The following SLC44A5 variants were observed in gnomAD, a reference collection of about 807,000 sequenced individuals.
SLC44A5 encodes the protein solute carrier family 44 member 5.
A neutral mutation model predicts 101.8 loss-of-function variants in SLC44A5; 57 were observed. The observed-to-expected ratio is 0.56, with a 90% CI of 0.45 to 0.70. The LOEUF (loss-of-function observed/expected upper bound fraction) is 0.70. SLC44A5 is among the 30% of genes least tolerant of loss of function. The pLI is 0.00. For synonymous variants in SLC44A5, 281 were observed against 290.9 expected (o/e 0.97, Z 0.35); for missense variants, 737 against 853.1 (o/e 0.86, Z 1.70).
At chr1:75,464,221 C>CAAAAAAAAA (rs57630961) in intron 2 of SLC44A5, among the ~76,000 whole-genome samples, 3 of 52,220 alleles carry the variant, frequency 5.7e-5, no homozygotes, top group Non-Finnish European at 1.1e-4. Context: ...GACTCTGTCT[C>CAAAAAAAAA]AAAAAAAAAA....
At chr1:75,682,736 A>G in the SLC44A5 span, among the ~76,000 whole-genome samples, 4 of 141,852 alleles carry the variant, frequency 2.8e-5, no homozygotes, top group South Asian at 2.1e-4. Context: ...AATGGCAACA[A>G]AAGCCAAAAT....
At chr1:75,209,131 A>G (rs2100438735) in intron 23 of SLC44A5, among the ~76,000 whole-genome samples, 1 of 152,302 alleles carries the variant, frequency 6.6e-6, no homozygotes, top group East Asian at 1.9e-4. Flanking sequence ...TCAACATGCA[A>G]TACACTGAAT....
chr1:75,642,094 T>C, the SLC44A5 span: 21 of 1,194,776 alleles, frequency 1.8e-5, no homozygotes, highest in Non-Finnish European at 1.6e-5. Flanking sequence ...TAATTTTTTA[T>C]TTTATTTGAT....
intron 6 of SLC44A5, among the ~76,000 whole-genome samples, chr1:75,273,623 A>T (rs972266892): frequency 6.6e-6 from 1 of 152,094 alleles, no homozygotes; most frequent in Non-Finnish European, 1.5e-5. Context: ...TTCTGCATCT[A>T]TTGAGATTGA....
intron 1 of SLC44A5, among the ~76,000 whole-genome samples, chr1:75,574,315 G>T (rs562276249): frequency 6.6e-6 from 1 of 152,266 alleles, no homozygotes; most frequent in Admixed American, 6.5e-5. Context: ...TTTAGTAAAT[G>T]ATCTAAACCA....
At chr1:75,258,027 TC>T (rs1488089227) in intron 6 of SLC44A5, among the ~76,000 whole-genome samples, 1 of 152,040 alleles carries the variant, frequency 6.6e-6, no homozygotes, top group Non-Finnish European at 1.5e-5. Flanking sequence ...TTTGAGCTTT[TC>T]CCACGGTCTT....
At chr1:75,253,640 T>A (rs1239596485) in intron 6 of SLC44A5, among the ~76,000 whole-genome samples, 1 of 152,220 alleles carries the variant, frequency 6.6e-6, no homozygotes, top group Non-Finnish European at 1.5e-5. Flanking sequence ...AGCAAATGAA[T>A]AAATTATACA....
chr1:75,550,767 A>T (rs1229326147), intron 1 of SLC44A5, among the ~76,000 whole-genome samples: 1 of 152,084 alleles, frequency 6.6e-6, no homozygotes, highest in Non-Finnish European at 1.5e-5. Flanking sequence ...AGGAAGGAAG[A>T]CATCCAGAAT....
At chr1:75,346,114 T>C (rs1198601135) in intron 3 of SLC44A5, among the ~76,000 whole-genome samples, 1 of 152,110 alleles carries the variant, frequency 6.6e-6, no homozygotes, top group Non-Finnish European at 1.5e-5. Context: ...TGACCCCACA[T>C]TGGACATGGC....
intron 5 of SLC44A5, among the ~76,000 whole-genome samples, chr1:75,290,350 G>A (rs191649943): frequency 2.2e-4 from 33 of 152,296 alleles, no homozygotes; most frequent in Middle Eastern, 3.4e-3. Context: ...GAATAATTGA[G>A]TAGAGTTTAA....
chr1:75,704,644 A>T, the SLC44A5 span, among the ~76,000 whole-genome samples: 1 of 152,192 alleles, frequency 6.6e-6, no homozygotes, highest in African/African-American at 2.4e-5. Flanking sequence ...ACTGGTTTGT[A>T]TAAAAAGTAT....
At chr1:75,315,366 CAAT>C (rs1655612962) in intron 4 of SLC44A5, among the ~76,000 whole-genome samples, 1 of 152,066 alleles carries the variant, frequency 6.6e-6, no homozygotes, top group South Asian at 2.1e-4. Context: ...TAAATTATCC[CAAT>C]AATATTTAAT....
Position 75,264,352 on chromosome 1 carries a change from C to T in SLC44A5, c.260+10606G>A, listed in dbSNP as rs533105455. Among the ~76,000 whole-genome samples, 33 of 152,302 alleles carry T rather than the reference C, an allele frequency of 2.2e-4. 2 individuals carry two copies. The highest frequency in any genetic ancestry group is 2.0e-3 in the Admixed American group (31 of 15,290). ...CATGTGCCCAGTGGCAGGGCTGCCA[C>T]ACGTTTACAGTTCCCTGAGAAAGAT... On this transcript the variant is annotated intron_variant, in intron 6 of 23. Transcript: ENST00000370859.
At chr1:75,335,888 C>T (rs549296803) in intron 4 of SLC44A5, among the ~76,000 whole-genome samples, 3 of 152,174 alleles carry the variant, frequency 2.0e-5, no homozygotes, top group South Asian at 2.1e-4. Flanking sequence ...TCAGAGTGCC[C>T]GTCCTTCCCT....
chr1:75,498,901 G>A (rs947825057), intron 2 of SLC44A5, among the ~76,000 whole-genome samples: 1 of 152,180 alleles, frequency 6.6e-6, no homozygotes, highest in Admixed American at 6.5e-5. Flanking sequence ...CTAGTGTTTT[G>A]TCTATAGTCA....
the SLC44A5 span, among the ~76,000 whole-genome samples, chr1:75,723,052 T>A: frequency 1.3e-5 from 2 of 152,126 alleles, no homozygotes; most frequent in Admixed American, 1.3e-4. Flanking sequence ...GCTTCCTCCT[T>A]CCTTTGTTCT....
intron 1 of SLC44A5, among the ~76,000 whole-genome samples, chr1:75,565,848 A>G (rs1570627848): frequency 6.6e-6 from 1 of 152,220 alleles, no homozygotes; most frequent in East Asian, 1.9e-4. Flanking sequence ...ATGCTTTTTT[A>G]CCTGGTATGG....
chr1:75,440,024 T>C (rs773136810), intron 2 of SLC44A5, among the ~76,000 whole-genome samples: 1 of 151,988 alleles, frequency 6.6e-6, no homozygotes, highest in Non-Finnish European at 1.5e-5. Flanking sequence ...GAAAATAACA[T>C]TAAGAAGTAC....
chr1:75,281,168 C>T (rs1430381504), intron 5 of SLC44A5, among the ~76,000 whole-genome samples: 22 of 152,048 alleles, frequency 1.4e-4, no homozygotes, highest in Admixed American at 1.4e-3. Flanking sequence ...ATAGCTTTGA[C>T]CAAAATGCTG....
Sources: allele counts gnomAD v4.1 joint callset (sites outside exome capture counted in the v4.1 genomes callset), GRCh38; gene constraint gnomAD v4.1.1; transcripts MANE v1.5; gene names NCBI Gene and HGNC (gene_info 2026-07-23, HGNC 2026-07-21).